Variants in TCF19 observed in about 807,000 individuals in gnomAD.
The protein encoded by TCF19 is transcription factor 19, also known as transcription factor SC1.
Under a neutral mutation model 18.3 loss-of-function variants are expected in TCF19, and 9 were observed. That is an observed-to-expected ratio of 0.49 (90% CI 0.30 to 0.86). The LOEUF (loss-of-function observed/expected upper bound fraction) is 0.86. Ranked by LOEUF, TCF19 falls within the 40% of genes least tolerant of loss-of-function variation. The probability of loss-of-function intolerance (pLI) is 0.07; values close to 1 mark genes in which losing one functional copy is unlikely to be tolerated. For missense variants in TCF19, 376 were observed against 464.3 expected (o/e 0.81, Z 1.75); for synonymous variants, 176 against 185.3 (o/e 0.95, Z 0.41).
At position 31,161,620 on chromosome 6, in the gene TCF19, C is replaced by A; in HGVS notation, c.412C>A (p.Arg138=). The stretch of plus-strand genomic sequence containing the variant: ...GGACTTTGCTGCCATTACCATCCCA[C>A]GGTCTAGGGGAGAAGCCCGGGTTGG... ...PQDFAAITIP[R]SRGEARVGAG... is the part of the protein sequence containing the mutation. Residue 138 remains arginine (R), a synonymous_variant, in exon 3 of 4, where the codon CGG becomes AGG. Coordinates refer to ENST00000376257, the MANE Select transcript of TCF19 (RefSeq NM_007109.3). The A allele has an allele frequency of 6.4e-7, 1 of 1,566,806 alleles. No homozygotes were observed. The highest frequency in any genetic ancestry group is 8.6e-7 in the Non-Finnish European group (1 of 1,158,626).
chr6:31,159,824 T>A, intron 2 of TCF19, 117 bp downstream of exon 2: 2 of 1,078,032 alleles, frequency 1.9e-6, no homozygotes, highest in Non-Finnish European at 2.7e-6. Context: ...ATTGGATGGA[T>A]GGTCGTGGTC....
At position 31,163,962 on chromosome 6, in the gene TCF19, C is replaced by T; in HGVS notation, c.*1245C>T. On this transcript the variant is annotated 3_prime_UTR_variant, in exon 4 of 4. Transcript: ENST00000376257. Reference sequence around the variant, plus strand: ...AAACCTTAAGTGGAAACCAAATAGACCCTGGTATCAAGAAAGCACAAAGTA... The same window carrying T: ...AAACCTTAAGTGGAAACCAAATAGATCCTGGTATCAAGAAAGCACAAAGTA... 1.0e-6 allele frequency: 1 copy of T among 986,738 alleles called. No individual in the cohort carries two copies. Among genetic ancestry groups the T allele is most frequent in the Non-Finnish European group, 1.2e-6 (1 of 830,900 alleles). The allele number at this position is 986,738 out of a possible 1,614,324, so 61.1% of individuals were successfully genotyped here.
chr6:31,161,177 GAA>G (rs1215163730), intron 2 of TCF19, among the ~76,000 whole-genome samples: 1 of 136,142 alleles, frequency 7.3e-6, no homozygotes, highest in Non-Finnish European at 1.6e-5. Context: ...AAGAAAGAAA[GAA>G]AAAAAAAGAA....
In TCF19 at chr6:31,162,355, A is replaced by C; in HGVS notation, c.798-122A>C. 1 of 1,387,526 alleles carries C rather than the reference A, an allele frequency of 7.2e-7. No homozygotes were observed. The highest frequency in any genetic ancestry group is 9.8e-7 in the Non-Finnish European group (1 of 1,022,814). 86.0% of individuals were successfully genotyped at this position (1,387,526 alleles called of 1,614,324 possible). ...GTTTTTAAGGACAGAGTCCAGGCTC[A>C]CCTTAGTTCTCAGACCACTGTGCCT... On this transcript the variant is annotated intron_variant, in intron 3 of 3. Transcript: ENST00000376257. The surrounding 1 kb of genome is among the most constrained non-coding windows in gnomAD (Gnocchi z 4.5).
In TCF19 at chr6:31,162,323, C is replaced by T. The variant is rs190578352; in HGVS notation, c.798-154C>T. Among the ~76,000 whole-genome samples the T allele has an allele frequency of 7.0e-4, 106 of 152,068 alleles. No individual in the cohort carries two copies. The highest frequency in any genetic ancestry group is 2.5e-3 in the African/African-American group (105 of 41,456). ...TCATACTAGAGGTTTTTAGGCCCACCCTATGTGTTTTTAAGGACAGAGTCC... is the reference window on the plus strand; with the variant it reads ...TCATACTAGAGGTTTTTAGGCCCACTCTATGTGTTTTTAAGGACAGAGTCC... On this transcript the variant is annotated intron_variant, in intron 3 of 3. Transcript: ENST00000376257. This position sits in a 1 kb window ranked among gnomAD's most constrained non-coding sequence, Gnocchi z 4.5.
intron 2 of TCF19, among the ~76,000 whole-genome samples, chr6:31,160,406 C>A (rs746585058): frequency 2.6e-5 from 4 of 151,938 alleles, no homozygotes; most frequent in Non-Finnish European, 5.9e-5. Flanking sequence ...CTCAGGAGTT[C>A]GAGACCAGCC....
In TCF19 at chr6:31,161,786, C is replaced by T. The variant is rs761180276; in HGVS notation, c.578C>T (p.Ser193Phe). 31 of 1,608,902 alleles carry T rather than the reference C, an allele frequency of 1.9e-5. No individual in the cohort carries two copies. Among genetic ancestry groups the T allele is most frequent in the Non-Finnish European group, 2.5e-5 (29 of 1,177,792 alleles). ...CTCCGGCCCCAGCCCCTCACCTTCT[C>T]CCCTAGTTGGGGTGGACCAAAGAGC... Reference protein sequence around the residue: ...SKLRPQPLTFSPSWGGPKSLP... With the variant: ...SKLRPQPLTFFPSWGGPKSLP... The change falls in exon 3 of 4, where the codon TCC (serine) becomes TTC (phenylalanine). Residue 193 changes from serine (S) to phenylalanine (F), a missense_variant. By Grantham distance (155) the Ser-to-Phe change is radical. Transcript: ENST00000376257.
At position 31,162,706 on chromosome 6, in the gene TCF19, A is replaced by G. The variant is rs867168422; in HGVS notation, c.1027A>G (p.Ile343Val). 3 of 1,611,358 alleles carry G rather than the reference A, an allele frequency of 1.9e-6. No homozygotes were observed. Among genetic ancestry groups the G allele is most frequent in the African/African-American group, 2.7e-5 (2 of 75,016 alleles). The change falls in exon 4 of 4, where the codon ATT becomes GTT. Residue 343 changes from isoleucine (I) to valine (V), a missense_variant. Ile to Val is a conservative substitution (Grantham distance 29). Transcript: ENST00000376257. This position sits in a 1 kb window ranked among gnomAD's most constrained non-coding sequence, Gnocchi z 4.5. ...DFRCPGCRAG[I>V]QT ...CCGATGCCCAGGGTGCCGGGCTGGCATTCAGACCTAAGGTCCACTGCCAAG... is the reference window on the plus strand; with the variant it reads ...CCGATGCCCAGGGTGCCGGGCTGGCGTTCAGACCTAAGGTCCACTGCCAAG...
rs1277794403 is a variant in TCF19, at chr6:31,162,779, T to C, written c.*62T>C. On this transcript the variant is annotated 3_prime_UTR_variant, in exon 4 of 4. Coordinates refer to ENST00000376257, the MANE Select transcript of TCF19 (RefSeq NM_007109.3). This position sits in a 1 kb window ranked among gnomAD's most constrained non-coding sequence, Gnocchi z 4.5. ...ATGAGTAGACACAGCAGCGAGCAAA[T>C]AGGTCTGATAAATACCCCCCTTCCC... The C allele has an allele frequency of 1.9e-6, 3 of 1,574,454 alleles. No individual in the cohort carries two copies. The highest frequency in any genetic ancestry group is 2.2e-5 in the East Asian group (1 of 44,588).
Position 31,161,951 on chromosome 6 carries a change from T to A in TCF19, c.743T>A (p.Leu248His), listed in dbSNP as rs1246937135. The change falls in exon 3 of 4, where the codon CTT becomes CAT. Residue 248 changes from leucine (L) to histidine (H), a missense_variant. By Grantham distance (99) the Leu-to-His change is moderately conservative. Coordinates refer to ENST00000376257, the MANE Select transcript of TCF19 (RefSeq NM_007109.3). ...SEPPENPPPV[L>H]MEPRKKLRVD... ...CCTCCTGAGAACCCGCCACCGGTCC[T>A]TATGGAGCCCAGGAAGAAACTCCGT... 6.2e-7 allele frequency: 1 copy of A among 1,612,860 alleles called. No individual in the cohort carries two copies. The highest frequency in any genetic ancestry group is 1.7e-5 in the Admixed American group (1 of 60,004).
At chr6:31,161,310 G>GA in intron 2 of TCF19, 137 bp from the exon 3 acceptor site, 1 of 641,230 alleles carries the variant, frequency 1.6e-6, no homozygotes, top group Non-Finnish European at 2.4e-6. Flanking sequence ...GTCACCTGCT[G>GA]AGGGGCTTAG....
rs770227732 is a variant in TCF19 at position 31,161,546 on chromosome 6, G to C, written c.338G>C (p.Ser113Thr). Residue 113 changes from serine to threonine, a missense_variant, in exon 3 of 4, where the codon AGC (serine) becomes ACC (threonine). Ser to Thr is a moderately conservative substitution (Grantham distance 58). Coordinates refer to ENST00000376257, the MANE Select transcript of TCF19 (RefSeq NM_007109.3). ...GGCCCTGAAGGGCCCCCAGGAACCAGCCCCTCGGAGTTCTACTTCATGTTC... is the reference window on the plus strand; with the variant it reads ...GGCCCTGAAGGGCCCCCAGGAACCACCCCCTCGGAGTTCTACTTCATGTTC... ...TFGPEGPPGT[S>T]PSEFYFMFQQ... The C allele has an allele frequency of 6.3e-7, 1 of 1,583,492 alleles. No homozygotes were observed. The highest frequency in any genetic ancestry group is 1.9e-5 in the Admixed American group (1 of 53,892).
Position 31,162,745 on chromosome 6 carries a change from C to T in TCF19, c.*28C>T, listed in dbSNP as rs1226896138. The T allele has an allele frequency of 6.2e-7, 1 of 1,605,402 alleles. No individual in the cohort carries two copies. The highest frequency in any genetic ancestry group is 1.7e-5 in the Admixed American group (1 of 59,890). ...TCCACTGCCAAGGCACCATCGGACACACCTGCCCATGAGTAGACACAGCAG... is the reference window on the plus strand; with the variant it reads ...TCCACTGCCAAGGCACCATCGGACATACCTGCCCATGAGTAGACACAGCAG... On this transcript the variant is annotated 3_prime_UTR_variant, in exon 4 of 4. Coordinates refer to ENST00000376257, the MANE Select transcript of TCF19 (RefSeq NM_007109.3). This position sits in a 1 kb window ranked among gnomAD's most constrained non-coding sequence, Gnocchi z 4.5.
At position 31,162,106 on chromosome 6, in the gene TCF19, C is replaced by T. The variant is rs1023550680; in HGVS notation, c.797+101C>T. 46 of 1,306,138 alleles carry T rather than the reference C, an allele frequency of 3.5e-5. No individual in the cohort carries two copies. Among genetic ancestry groups the T allele is most frequent in the Non-Finnish European group, 4.5e-5 (44 of 969,170 alleles). The allele number at this position is 1,306,138 out of a possible 1,614,324, so 80.9% of individuals were successfully genotyped here. ...GTCCCCCTGCCTGGGGGGATGGGCACGGGAGGTGGAATAGATGGAATGGCA... is the reference window on the plus strand; with the variant it reads ...GTCCCCCTGCCTGGGGGGATGGGCATGGGAGGTGGAATAGATGGAATGGCA... On this transcript the variant is annotated intron_variant, in intron 3 of 3. Coordinates refer to ENST00000376257, the MANE Select transcript of TCF19 (RefSeq NM_007109.3). This position sits in a 1 kb window ranked among gnomAD's most constrained non-coding sequence, Gnocchi z 4.5.
chr6:31,159,989 C>A (rs1364241891), intron 2 of TCF19, among the ~76,000 whole-genome samples: 1 of 152,220 alleles, frequency 6.6e-6, no homozygotes, highest in Non-Finnish European at 1.5e-5. Flanking sequence ...CAAGTTTAGA[C>A]TTGATTCAGT....
chr6:31,160,866 T>A (rs1776716293), intron 2 of TCF19, among the ~76,000 whole-genome samples: 1 of 151,186 alleles, frequency 6.6e-6, no homozygotes, highest in Non-Finnish European at 1.5e-5. Context: ...GTTTGAAAAC[T>A]GGACCTTAGG....
Position 31,161,864 on chromosome 6 carries a change from C to T in TCF19, c.656C>T (p.Pro219Leu). ...GEMGTTPSAP[P>L]QRNRRKSVHR... Reference sequence around the variant, plus strand: ...ATGGGGACCACGCCTTCTGCTCCACCACAACGCAATCGGAGGAAATCTGTT... The same window carrying T: ...ATGGGGACCACGCCTTCTGCTCCACTACAACGCAATCGGAGGAAATCTGTT... The change falls in exon 3 of 4, where the codon CCA becomes CTA. Residue 219 changes from proline to leucine, a missense_variant. Transcript: ENST00000376257. The T allele has an allele frequency of 6.2e-7, 1 of 1,612,996 alleles. No individual in the cohort carries two copies. Among genetic ancestry groups the T allele is most frequent in the Non-Finnish European group, 8.5e-7 (1 of 1,179,990 alleles).
chr6:31,159,367 C>A lies in TCF19; in HGVS notation c.-103C>A. ...CCGCATACAGCACAACTCAAGTTTG[C>A]ATCAGACTGGGAAGCGAACTTAAGC... is the stretch of plus-strand genomic sequence containing the variant. On this transcript the variant is annotated 5_prime_UTR_variant, in exon 2 of 4. Transcript: ENST00000376257. The A allele has an allele frequency of 9.3e-7, 1 of 1,074,052 alleles. No individual in the cohort carries two copies. The highest frequency in any genetic ancestry group is 1.3e-6 in the Non-Finnish European group (1 of 754,286). 66.5% of individuals were successfully genotyped at this position (1,074,052 alleles called of 1,614,324 possible). A position where few individuals can be genotyped will look rare whatever the true frequency, so the allele number is the denominator to read the frequency against.
chr6:31,159,806 C>G, intron 2 of TCF19, 99 bp downstream of exon 2: 1 of 1,234,500 alleles, frequency 8.1e-7, no homozygotes. Flanking sequence ...CTCCCATACT[C>G]CCATCAGATT....
Sources: gnomAD v4.1 joint callset for allele counts (sites outside exome capture counted in the v4.1 genomes callset) on GRCh38, gnomAD v4.1.1 for gene constraint, Gnocchi (gnomAD v3.1) non-coding constraint, MANE v1.5 for transcripts, NCBI Gene and HGNC (gene_info 2026-07-23, HGNC 2026-07-21) for gene names.